Variants in ZBTB40 observed in about 807,000 individuals in gnomAD.
ZBTB40 encodes the protein zinc finger and BTB domain containing 40, also known as zinc finger and BTB domain-containing protein 40.
In ZBTB40, 60 loss-of-function variants were observed where a neutral mutation model predicts 117.5. The observed-to-expected ratio is 0.51, with a 90% CI of 0.41 to 0.63. ZBTB40 has a LOEUF of 0.63. Among genes scored for constraint, ZBTB40 ranks in the 30% least tolerant of loss-of-function variants. The probability of loss-of-function intolerance (pLI) is 0.00; values close to 1 mark genes in which losing one functional copy is unlikely to be tolerated. For missense variants in ZBTB40, 1,287 were observed against 1,498.5 expected (o/e 0.86, Z 2.33); for synonymous variants, 525 against 577.1 (o/e 0.91, Z 1.29).
chr1:22,468,638 G>A (rs1641322350), intron 1 of ZBTB40, among the ~76,000 whole-genome samples: 2 of 121,368 alleles, frequency 1.6e-5, no homozygotes, highest in South Asian at 5.2e-4. Context: ...ACCATGCCTG[G>A]CTGGCTTTTT....
At chr1:22,519,055 C>T (rs1639451144) in intron 13 of ZBTB40, among the ~76,000 whole-genome samples, 1 of 152,196 alleles carries the variant, frequency 6.6e-6, no homozygotes, top group Non-Finnish European at 1.5e-5. Flanking sequence ...TGGAAAGCTG[C>T]ATCAAAGTGT....
In ZBTB40 at chr1:22,528,354, A is replaced by G. The variant is rs1639737783; in HGVS notation, c.*1958A>G. 1.3e-5 allele frequency: 2 copies of G among 152,364 alleles called. No homozygotes were observed. Among genetic ancestry groups the G allele is most frequent in the South Asian group, 4.1e-4 (2 of 4,830 alleles). 9.4% of individuals were successfully genotyped at this position (152,364 alleles called of 1,614,324 possible). On this transcript the variant is annotated 3_prime_UTR_variant, in exon 18 of 18. Coordinates refer to ENST00000375647, the MANE Select transcript of ZBTB40 (RefSeq NM_014870.4). ...CTGTGGGATGGGGCTTGGGAGTTGC[A>G]GTGAATGTCATTAAAATTTCTTCCA...
chr1:22,515,181 C>A (rs543836876), intron 12 of ZBTB40, among the ~76,000 whole-genome samples: 30 of 152,264 alleles, frequency 2.0e-4, no homozygotes, highest in African/African-American at 7.0e-4. Context: ...AAGTGCAGAG[C>A]TGCCTCCCCG....
At chr1:22,442,134 C>G (rs1268904839) in intron 1 of ZBTB40, among the ~76,000 whole-genome samples, 2 of 152,154 alleles carry the variant, frequency 1.3e-5, no homozygotes, top group Non-Finnish European at 2.9e-5. Context: ...GGAGAAGATA[C>G]TTTATATGAT....
At chr1:22,436,092 T>G (rs1640666709) in intron 1 of ZBTB40, among the ~76,000 whole-genome samples, 1 of 152,162 alleles carries the variant, frequency 6.6e-6, no homozygotes, top group South Asian at 2.1e-4. Context: ...GGAAAACTGT[T>G]TGGTAATTTC....
At chr1:22,489,769 T>C (rs1267005) in intron 1 of ZBTB40, 111 bp from the exon 2 acceptor site, 457,109 of 672,730 alleles carry the variant, frequency 0.68, 159,507 homozygotes, top group East Asian at 0.92. Context: ...TATTAAGCAA[T>C]ATTTGTTGGA....
Position 22,490,170 on chromosome 1 carries a change from G to C in ZBTB40, c.222G>C (p.Leu74Phe), listed in dbSNP as rs765006255. The change falls in exon 2 of 18, where the codon TTG becomes TTC. Residue 74 changes from leucine (L) to phenylalanine (F), a missense_variant. Physicochemically the swap from Leu to Phe is conservative, Grantham distance 22. Around this residue, in one of 2 missense-constraint regions of ZBTB40, gnomAD observed 870 missense variants for 934.4 expected, o/e 0.93. Transcript: ENST00000375647. ...TGAGCCCCGAGGAGTTTGCGCTCTT[G>C]TTGGAAATGATGTACACGGGCAAAC... The part of the protein sequence containing the change: ...SVVSPEEFAL[L>F]LEMMYTGKLP... 2.4e-5 allele frequency: 39 copies of C among 1,614,200 alleles called. No individual in the cohort carries two copies. Among genetic ancestry groups the C allele is most frequent in the Non-Finnish European group, 3.1e-5 (37 of 1,180,032 alleles).
At position 22,505,229 on chromosome 1, in the gene ZBTB40, C is replaced by A. The variant is rs544339546; in HGVS notation, c.1168-820C>A. ...TAGATTACATGTATTGAAATAATCC[C>A]CTGCTTTATCAGTTCCATAAGAGCT... On this transcript the variant is annotated intron_variant, in intron 5 of 17. Transcript: ENST00000375647. 1.3e-4 allele frequency among the ~76,000 whole-genome samples: 20 copies of A among 152,272 alleles called. No homozygotes were observed. The South Asian group carries it at 3.5e-3, about 27-fold the overall frequency.
rs1046858335 is a variant in ZBTB40 at position 22,506,125 on chromosome 1, A to G, written c.1244A>G (p.Lys415Arg). The part of the protein sequence containing the change: ...ENLLHRMTEE[K>R]TLTAEGLVKL... ...TTGTTGCACAGAATGACTGAAGAGAAGACGCTGACTGCTGAGGGTTTGGTA... is the reference window on the plus strand; with the variant it reads ...TTGTTGCACAGAATGACTGAAGAGAGGACGCTGACTGCTGAGGGTTTGGTA... The change falls in exon 6 of 18, where the codon AAG becomes AGG. Residue 415 changes from lysine to arginine, a missense_variant. Around this residue, in one of 2 missense-constraint regions of ZBTB40, gnomAD observed 870 missense variants for 934.4 expected, o/e 0.93. Transcript: ENST00000375647. 6.2e-7 allele frequency: 1 copy of G among 1,614,202 alleles called. No homozygotes were observed. The highest frequency in any genetic ancestry group is 1.3e-5 in the African/African-American group (1 of 75,058).
At chr1:22,493,146 T>C (rs1018115499) in intron 3 of ZBTB40, among the ~76,000 whole-genome samples, 1 of 152,234 alleles carries the variant, frequency 6.6e-6, no homozygotes, top group Non-Finnish European at 1.5e-5. Context: ...GTTCAACATT[T>C]CTTTTTTTCC....
chr1:22,481,201 G>A (rs1278148809), intron 1 of ZBTB40, among the ~76,000 whole-genome samples: 1 of 151,762 alleles, frequency 6.6e-6, no homozygotes, highest in Non-Finnish European at 1.5e-5. Flanking sequence ...CAGCATTTCT[G>A]TGTATTTGTA....
Position 22,459,044 on chromosome 1 carries a change from G to A in ZBTB40, c.-70+7040G>A, listed in dbSNP as rs115709241. ...TTTTGGGGTTTTGCCAATCTGTCAGGTAAGAAATAATATTTCAGTATAGCT... is the reference window on the plus strand; with the variant it reads ...TTTTGGGGTTTTGCCAATCTGTCAGATAAGAAATAATATTTCAGTATAGCT... On this transcript the variant is annotated intron_variant, in intron 1 of 17. Transcript: ENST00000375647. Among the ~76,000 whole-genome samples the A allele has an allele frequency of 8.7e-3, 1,329 of 152,262 alleles. 10 individuals carry two copies. Among genetic ancestry groups the A allele is most frequent in the African/African-American group, 0.03 (1,260 of 41,540 alleles).
chr1:22,474,731 G>A (rs1641513564), intron 1 of ZBTB40, among the ~76,000 whole-genome samples: 1 of 152,120 alleles, frequency 6.6e-6, no homozygotes, highest in Admixed American at 6.5e-5. Flanking sequence ...CAGGACCTTA[G>A]TTTCCTCCTT....
At chr1:22,452,721 T>A (rs551415988) in intron 1 of ZBTB40, 1 of 152,314 alleles carries the variant, frequency 6.6e-6, no homozygotes, top group African/African-American at 2.4e-5. Context: ...CATTCAGCTA[T>A]TCCTCTCGTC....
intron 1 of ZBTB40, among the ~76,000 whole-genome samples, chr1:22,429,887 C>T (rs1260637114): frequency 4.6e-5 from 7 of 152,060 alleles, no homozygotes; most frequent in African/African-American, 9.7e-5. Flanking sequence ...TCCAGCTACC[C>T]GGGAGGCTGA....
intron 1 of ZBTB40, among the ~76,000 whole-genome samples, chr1:22,473,199 A>G (rs1199005830): frequency 6.6e-6 from 1 of 152,230 alleles, no homozygotes; most frequent in African/African-American, 2.4e-5. Flanking sequence ...CGTATTAAAA[A>G]TGAAGAGTCT....
At chr1:22,495,664 C>T (rs973151582) in intron 3 of ZBTB40, among the ~76,000 whole-genome samples, 6 of 152,042 alleles carry the variant, frequency 3.9e-5, no homozygotes, top group Non-Finnish European at 1.5e-5. Context: ...GGCACGCACA[C>T]CCATGCCTGG....
intron 3 of ZBTB40, among the ~76,000 whole-genome samples, chr1:22,499,445 C>G (rs1274209558): frequency 6.6e-6 from 1 of 152,210 alleles, no homozygotes; most frequent in Non-Finnish European, 1.5e-5. Context: ...ATGCTGCCTG[C>G]CTTGGGTTCC....
chr1:22,516,835 G>A (rs1639385105), intron 12 of ZBTB40, among the ~76,000 whole-genome samples: 2 of 152,234 alleles, frequency 1.3e-5, no homozygotes, highest in Non-Finnish European at 1.5e-5. Flanking sequence ...AGAAACCAAG[G>A]GACACATAAT....
Sources: allele counts gnomAD v4.1 joint callset (sites outside exome capture counted in the v4.1 genomes callset), GRCh38; gene constraint gnomAD v4.1.1; regional missense constraint gnomAD v4.1.1; transcripts MANE v1.5; gene names NCBI Gene and HGNC (gene_info 2026-07-23, HGNC 2026-07-21).